The following TMIGD3 variants were observed in gnomAD, a reference collection of about 807,000 sequenced individuals.
TMIGD3 encodes transmembrane and immunoglobulin domain containing 3.
A neutral mutation model predicts 28.1 loss-of-function variants in TMIGD3; 21 were observed. That is an observed-to-expected ratio of 0.75 (90% CI 0.53 to 1.08). TMIGD3 has a LOEUF of 1.08. Ranked by LOEUF, TMIGD3 falls within the 50% of genes least tolerant of loss-of-function variation. The pLI is 0.00. For missense variants in TMIGD3, 416 were observed against 435.6 expected (o/e 0.96, Z 0.40); for synonymous variants, 151 against 162.1 (o/e 0.93, Z 0.52).
intron 1 of TMIGD3, among the ~76,000 whole-genome samples, chr1:111,527,761 C>T (rs994476409): frequency 1.3e-5 from 2 of 152,154 alleles, no homozygotes; most frequent in African/African-American, 4.8e-5. Flanking sequence ...TGAGATGGAT[C>T]ATCTTTTCAT....
chr1:111,486,520 GCCACCCCAGCCCCTACCT>G, intron 4 of TMIGD3, 48 bp downstream of exon 4: 2 of 1,206,528 alleles, frequency 1.7e-6, no homozygotes, highest in Non-Finnish European at 2.5e-6. Context: ...TCATACTGCT[GCCACCCCAGCCCCTACCT>G]CCACCCCACC....
chr1:111,541,836 A>G (rs1442646082), intron 1 of TMIGD3, among the ~76,000 whole-genome samples: 3 of 152,222 alleles, frequency 2.0e-5, no homozygotes, highest in Non-Finnish European at 4.4e-5. Context: ...GCCAAGATCA[A>G]GGAACTGGAG....
intron 3 of TMIGD3, among the ~76,000 whole-genome samples, chr1:111,487,798 T>A (rs1458531737): frequency 6.6e-6 from 1 of 152,194 alleles, no homozygotes; most frequent in African/African-American, 2.4e-5. Context: ...AATTTATATC[T>A]GTAAATTATT....
At chr1:111,489,624 T>C (rs1412667587) in intron 2 of TMIGD3, 2 of 1,138,442 alleles carry the variant, frequency 1.8e-6, no homozygotes, top group Non-Finnish European at 2.2e-6. Flanking sequence ...GGAGGCCTCC[T>C]ACCATTGCTT....
intron 1 of TMIGD3, among the ~76,000 whole-genome samples, chr1:111,539,973 C>G (rs1656761526): frequency 6.6e-6 from 1 of 152,188 alleles, no homozygotes; most frequent in South Asian, 2.1e-4. Flanking sequence ...AGGAAGAAAT[C>G]TAGGTACCTA....
chr1:111,535,353 T>G (rs1315135575), intron 1 of TMIGD3, among the ~76,000 whole-genome samples: 1 of 152,228 alleles, frequency 6.6e-6, no homozygotes, highest in African/African-American at 2.4e-5. Flanking sequence ...CATATACGTA[T>G]CACTCTAGAA....
intron 1 of TMIGD3, among the ~76,000 whole-genome samples, chr1:111,538,350 GT>G (rs1377579704): frequency 6.6e-6 from 1 of 152,170 alleles, no homozygotes; most frequent in African/African-American, 2.4e-5. Context: ...CCCTCCATGT[GT>G]ATACAGAAAT....
chr1:111,551,345 T>C (rs950796947), intron 1 of TMIGD3, among the ~76,000 whole-genome samples: 8 of 152,236 alleles, frequency 5.3e-5, no homozygotes, highest in African/African-American at 1.9e-4. Context: ...TCTTCTGTGT[T>C]AAATAGACAC....
intron 1 of TMIGD3, among the ~76,000 whole-genome samples, chr1:111,524,712 C>T (rs879675284): frequency 5.3e-5 from 8 of 152,116 alleles, no homozygotes; most frequent in Non-Finnish European, 1.0e-4. Flanking sequence ...CTCCGCCTCC[C>T]GGGTTTAAGT....
At chr1:111,542,187 A>G in intron 1 of TMIGD3, 7 of 513,046 alleles carry the variant, frequency 1.4e-5, no homozygotes, top group South Asian at 9.1e-5. Context: ...CTTTGAAGGA[A>G]GATCGTTTAG....
chr1:111,554,454 A>G (rs1657399740), intron 1 of TMIGD3, among the ~76,000 whole-genome samples: 1 of 152,246 alleles, frequency 6.6e-6, no homozygotes, highest in South Asian at 2.1e-4. Flanking sequence ...TAGCTGTTCT[A>G]GAACATTTGC....
At chr1:111,491,803 T>G (rs1217710399) in intron 1 of TMIGD3, among the ~76,000 whole-genome samples, 2 of 152,344 alleles carry the variant, frequency 1.3e-5, no homozygotes. Context: ...GGATCCTGAT[T>G]GAAGCAAACA....
intron 1 of TMIGD3, among the ~76,000 whole-genome samples, chr1:111,550,571 C>T (rs1240894432): frequency 6.6e-6 from 1 of 152,184 alleles, no homozygotes; most frequent in Admixed American, 6.5e-5. Flanking sequence ...TCTAATGTCT[C>T]TTGCAATTTC....
intron 1 of TMIGD3, among the ~76,000 whole-genome samples, chr1:111,523,910 C>A (rs112901199): frequency 7.3e-5 from 11 of 150,910 alleles, no homozygotes; most frequent in African/African-American, 2.7e-4. Context: ...TTTGTTTCAA[C>A]GATTTTCTCT....
Position 111,544,044 on chromosome 1 carries a change from A to G in TMIGD3, c.107+19802T>C, listed in dbSNP as rs542100657. Among the ~76,000 whole-genome samples the G allele has an allele frequency of 2.0e-5, 3 of 152,364 alleles. No homozygotes were observed. In the East Asian group the frequency reaches 5.8e-4, roughly 29 times the overall value. On this transcript the variant is annotated intron_variant, in intron 1 of 5. Transcript: ENST00000369717. ...GAAGTCATAGTTTCCAATCAAATGT[A>G]TAGCCTTCAGTTTGAAGCATTTGAA...
rs562001093 is a variant in TMIGD3, at chr1:111,560,923, TAACAACCGC to T, written c.107+2914_107+2922del. ...GTAGCCCAATTTGCTCTTCCTCCTG[TAACAACCGC>T]ACCAGATCTCTGGCTGGTCCAGAAG... On this transcript the variant is annotated intron_variant, in intron 1 of 5. Transcript: ENST00000369717. 1.1e-4 allele frequency among the ~76,000 whole-genome samples: 17 copies of T among 152,318 alleles called. No individual in the cohort carries two copies. The East Asian group carries it at 3.3e-3, about 29-fold the overall frequency.
At chr1:111,498,117 C>T (rs958304178) in intron 1 of TMIGD3, among the ~76,000 whole-genome samples, 1 of 152,220 alleles carries the variant, frequency 6.6e-6, no homozygotes, top group Non-Finnish European at 1.5e-5. Context: ...AGAAGCAAAG[C>T]TCCTTTGCTG....
chr1:111,485,899 G>T, intron 4 of TMIGD3, 59 bp from the exon 5 acceptor site: 1 of 1,351,178 alleles, frequency 7.4e-7, no homozygotes, highest in Non-Finnish European at 1.0e-6. Context: ...TTGATTCTCA[G>T]CTCTGGATCC....
intron 1 of TMIGD3, among the ~76,000 whole-genome samples, chr1:111,518,131 T>C (rs1035032053): frequency 6.6e-6 from 1 of 152,226 alleles, no homozygotes; most frequent in African/African-American, 2.4e-5. Flanking sequence ...CTTTTTGCTA[T>C]ACCTGTGCTA....
Sources: gnomAD v4.1 joint callset for allele counts (sites outside exome capture counted in the v4.1 genomes callset) on GRCh38, gnomAD v4.1.1 for gene constraint, MANE v1.5 for transcripts, NCBI Gene and HGNC (gene_info 2026-07-23, HGNC 2026-07-21) for gene names.